Variants in MAGED2 observed in about 807,000 individuals in gnomAD.
MAGED2 encodes the protein MAGE family member D2.
In MAGED2, 6 loss-of-function variants were observed where a neutral mutation model predicts 41.7. The ratio of observed to expected loss-of-function variants is 0.14; its 90% confidence interval spans 0.08 to 0.28. MAGED2 has a LOEUF of 0.28. MAGED2 is among the 10% of genes least tolerant of loss of function. The probability of loss-of-function intolerance (pLI) is 1.00; values close to 1 mark genes in which losing one functional copy is unlikely to be tolerated. For missense variants in MAGED2, 343 were observed against 486.4 expected (o/e 0.71, Z 2.77); for synonymous variants, 146 against 178.2 (o/e 0.82, Z 1.44).
At chrX:54,813,663 ATTTG>A in intron 10 of MAGED2, 113 bp downstream of exon 10, 2 of 613,711 alleles carry the variant, frequency 3.3e-6, no homozygotes, top group Non-Finnish European at 5.3e-6. Context: ...GTATTTGCAT[ATTTG>A]CATGTATGCA....
chrX:54,809,489 C>T (rs1383313468), intron 2 of MAGED2, 113 bp downstream of exon 2: 18 of 915,933 alleles, frequency 2.0e-5, no homozygotes, highest in Non-Finnish European at 2.7e-5. Context: ...ACCTACTTTC[C>T]TGCCTGGGTG....
rs140063708 is a variant in MAGED2 at position 54,809,805 on chromosome X, G to T, written c.129G>T (p.Pro43=). The change falls in exon 3 of 13, where the codon CCG becomes CCT. Residue 43 remains proline (P), a synonymous_variant. Transcript: ENST00000375068. Reference sequence around the variant, plus strand: ...AGAATGTGGAGGTCCCAGAGACACCGAAGGCCTCAAAGGCACTGGAGGTCT... The same window carrying T: ...AGAATGTGGAGGTCCCAGAGACACCTAAGGCCTCAAAGGCACTGGAGGTCT... ...VTQNVEVPET[P]KASKALEVSE... 8.3e-7 allele frequency: 1 copy of T among 1,204,127 alleles called. No individual in the cohort carries two copies. The highest frequency in any genetic ancestry group is 2.2e-5 in the Admixed American group (1 of 45,170).
intron 10 of MAGED2, among the ~76,000 whole-genome samples, chrX:54,814,064 C>T (rs1220891858): frequency 1.8e-5 from 2 of 112,365 alleles, no homozygotes; most frequent in Non-Finnish European, 3.8e-5. Flanking sequence ...ATCCCATCCC[C>T]GTTTTACAGT....
intron 7 of MAGED2, 83 bp downstream of exon 7, chrX:54,812,334 C>T: frequency 3.5e-6 from 2 of 569,122 alleles, no homozygotes; most frequent in Non-Finnish European, 5.6e-6. Flanking sequence ...CTTCCCCCAT[C>T]CTCTTAGAGA....
rs778117797 is a variant in MAGED2, at chrX:54,809,014, G to A, written c.-29-289G>A. 2.3e-5 allele frequency: 8 copies of A among 344,437 alleles called. No homozygotes were observed. In the East Asian group the frequency reaches 3.6e-4, roughly 16 times the overall value. The allele number at this position is 344,437 out of a possible 1,213,427, so 28.4% of individuals were successfully genotyped here. ...CGGGGCTGAGAGCGGCCCTGCAGCCGACGCGCATGCGCTCTATCGACCTGC... is the reference window on the plus strand; with the variant it reads ...CGGGGCTGAGAGCGGCCCTGCAGCCAACGCGCATGCGCTCTATCGACCTGC... On this transcript the variant is annotated intron_variant, in intron 1 of 12. Coordinates refer to ENST00000375068, the MANE Select transcript of MAGED2 (RefSeq NM_177433.3).
chrX:54,813,561 C>T lies in MAGED2; in HGVS notation c.1271+11C>T. The T allele has an allele frequency of 1.7e-6, 2 of 1,198,133 alleles. No homozygotes were observed. The highest frequency in any genetic ancestry group is 2.3e-6 in the Non-Finnish European group (2 of 883,161). On this transcript the variant is annotated intron_variant, in intron 10 of 12. Coordinates refer to ENST00000375068, the MANE Select transcript of MAGED2 (RefSeq NM_177433.3). Reference sequence around the variant, plus strand: ...GTTTGTGAAGCAGAAGTAAGTATCTCTGTCTGGTGTTCATGTGTCCCATGC... The same window carrying T: ...GTTTGTGAAGCAGAAGTAAGTATCTTTGTCTGGTGTTCATGTGTCCCATGC...
intron 6 of MAGED2, 58 bp downstream of exon 6, chrX:54,811,711 T>G: frequency 2.2e-6 from 2 of 889,953 alleles, no homozygotes; most frequent in Non-Finnish European, 3.3e-6. Context: ...TGAACAAAAA[T>G]GTACAAGTCC....
At chrX:54,814,340 T>C (rs777561902) in intron 10 of MAGED2, 6 of 431,175 alleles carry the variant, frequency 1.4e-5, no homozygotes, top group Non-Finnish European at 2.6e-5. Context: ...TTTCTGGGCT[T>C]GGCCAGGCTG....
chrX:54,813,205 G>A, intron 9 of MAGED2, 45 bp downstream of exon 9: 1 of 1,209,256 alleles, frequency 8.3e-7, no homozygotes, highest in Non-Finnish European at 1.1e-6. Context: ...GTTGTCCTTT[G>A]GCAAGAGAGG....
At chrX:54,809,467 T>G in intron 2 of MAGED2, 91 bp downstream of exon 2, 1 of 970,818 alleles carries the variant, frequency 1.0e-6, no homozygotes, top group Non-Finnish European at 1.5e-6. Context: ...CCTCCCATCC[T>G]TGTCCTTCTC....
rs964505521 is a variant in MAGED2 at position 54,809,320 on chromosome X, C to A, written c.-12C>A. ...CCCTTCAGGCTCAGCTCTTGCCAGG[C>A]CAAATTGAGACATGTCTGACACAAG... On this transcript the variant is annotated 5_prime_UTR_variant, in exon 2 of 13. Transcript: ENST00000375068. 17 of 1,210,975 alleles carry A rather than the reference C, an allele frequency of 1.4e-5. No homozygotes were observed. Among genetic ancestry groups the A allele is most frequent in the Non-Finnish European group, 1.9e-5 (17 of 894,955 alleles).
Position 54,811,287 on chromosome X carries a change from A to G in MAGED2, c.884A>G (p.Gln295Arg), listed in dbSNP as rs372339836. The change falls in exon 5 of 13, where the codon CAG becomes CGG. Residue 295 changes from glutamine to arginine, a missense_variant. By Grantham distance (43) the Gln-to-Arg change is conservative. Coordinates refer to ENST00000375068, the MANE Select transcript of MAGED2 (RefSeq NM_177433.3). ...GTGAAGTACCTTTTGGCTAAAGACC[A>G]GACGAAGATTCCCATCAAGCGCTCG... ...DLVKYLLAKD[Q>R]TKIPIKRSDM... is the part of the protein sequence containing the mutation. 1 of 1,210,518 alleles carries G rather than the reference A, an allele frequency of 8.3e-7. No homozygotes were observed. Among genetic ancestry groups the G allele is most frequent in the Non-Finnish European group, 1.1e-6 (1 of 895,065 alleles).
At chrX:54,810,793 A>G in intron 3 of MAGED2, 28 bp from the exon 4 acceptor site, 1 of 1,129,956 alleles carries the variant, frequency 8.8e-7, no homozygotes, top group South Asian at 2.1e-5. Context: ...TCATCTGGTG[A>G]CGTTGAGCTT....
At chrX:54,811,369 A>C (rs1929798526) in intron 5 of MAGED2, 56 bp downstream of exon 5, 1 of 1,084,275 alleles carries the variant, frequency 9.2e-7, no homozygotes. Context: ...TTGCCCTTAC[A>C]CCATTGTGCT....
At chrX:54,812,788 C>CT (rs1335901647) in intron 7 of MAGED2, among the ~76,000 whole-genome samples, 157 bp from the exon 8 acceptor site, 1 of 112,619 alleles carries the variant, frequency 8.9e-6, no homozygotes, top group African/African-American at 3.2e-5. Context: ...GCTTGCAAGT[C>CT]TAAGTGCCTT....
chrX:54,810,793 A>T, intron 3 of MAGED2, 28 bp from the exon 4 acceptor site: 1 of 1,129,957 alleles, frequency 8.8e-7, no homozygotes, highest in Non-Finnish European at 1.2e-6. Context: ...TCATCTGGTG[A>T]CGTTGAGCTT....
intron 12 of MAGED2, 67 bp downstream of exon 12, chrX:54,815,757 C>T (rs775472196): frequency 1.3e-4 from 93 of 739,886 alleles, no homozygotes; most frequent in Non-Finnish European, 1.7e-4. Context: ...CTGGATGATT[C>T]TAGGAAGGCC....
At chrX:54,811,153 C>T (rs1322764323) in intron 4 of MAGED2, 24 bp downstream of exon 4, 2 of 1,188,213 alleles carry the variant, frequency 1.7e-6, no homozygotes, top group Non-Finnish European at 2.3e-6. Context: ...CGTTTTTATT[C>T]TGCCTTTTCT....
intron 1 of MAGED2, among the ~76,000 whole-genome samples, chrX:54,808,594 A>G (rs953651656): frequency 9.0e-6 from 1 of 110,782 alleles, no homozygotes; most frequent in Non-Finnish European, 1.9e-5. Flanking sequence ...AGATGGAATC[A>G]CTAGCTCAGT....
Sources: gnomAD v4.1 joint callset for allele counts (sites outside exome capture counted in the v4.1 genomes callset) on GRCh38, gnomAD v4.1.1 for gene constraint, MANE v1.5 for transcripts, NCBI Gene and HGNC (gene_info 2026-07-23, HGNC 2026-07-21) for gene names.